The following NDRG3 variants were observed in gnomAD, a reference collection of about 807,000 sequenced individuals.
NDRG3 encodes the protein NDRG family member 3.
Under a neutral mutation model 57.2 loss-of-function variants are expected in NDRG3, and 23 were observed. The observed-to-expected ratio is 0.40, with a 90% CI of 0.29 to 0.57. The LOEUF (loss-of-function observed/expected upper bound fraction) is 0.57. NDRG3 is among the 20% of genes least tolerant of loss of function. The pLI, the probability that NDRG3 is intolerant of heterozygous loss-of-function variation, is 0.42. For synonymous variants in NDRG3, 132 were observed against 162.6 expected (o/e 0.81, Z 1.43); for missense variants, 384 against 457.3 (o/e 0.84, Z 1.46).
intron 3 of NDRG3, among the ~76,000 whole-genome samples, chr20:36,690,790 T>C (rs1227833665): frequency 8.5e-6 from 1 of 117,104 alleles, no homozygotes; most frequent in Non-Finnish European, 1.7e-5. Flanking sequence ...AGGAACCGAA[T>C]AGAGCAGACA....
intron 1 of NDRG3, among the ~76,000 whole-genome samples, chr20:36,740,817 CATGA>C (rs1163329156): frequency 6.6e-6 from 1 of 152,160 alleles, no homozygotes; most frequent in African/African-American, 2.4e-5. Context: ...GTTAATTTCA[CATGA>C]ATGAGAGAAC....
intron 5 of NDRG3, among the ~76,000 whole-genome samples, chr20:36,685,469 C>A (rs1164723238): frequency 6.6e-6 from 1 of 151,970 alleles, no homozygotes; most frequent in Non-Finnish European, 1.5e-5. Context: ...TGCCACCATG[C>A]CTGGCTAATT....
At chr20:36,673,407 CTTTTTTTT>C (rs543016967) in intron 8 of NDRG3, among the ~76,000 whole-genome samples, 25 of 151,038 alleles carry the variant, frequency 1.7e-4, no homozygotes, top group Admixed American at 1.6e-3. Flanking sequence ...TGTTTGTTTT[CTTTTTTTT>C]TGAGACAGGG....
chr20:36,744,523 T>A (rs990726638), intron 1 of NDRG3, among the ~76,000 whole-genome samples: 1 of 152,078 alleles, frequency 6.6e-6, no homozygotes, highest in African/African-American at 2.4e-5. Context: ...GACCCTGTTT[T>A]GTGAACGTGT....
intron 1 of NDRG3, among the ~76,000 whole-genome samples, chr20:36,731,947 C>A (rs539893756): frequency 3.0e-4 from 46 of 151,964 alleles, no homozygotes; most frequent in African/African-American, 1.1e-3. Context: ...ACAGTGAGAC[C>A]CCATCTCTAC....
rs1224023218 is a variant in NDRG3 at position 36,701,777 on chromosome 20, A to G, written c.93+5195T>C. Among the ~76,000 whole-genome samples the G allele has an allele frequency of 2.0e-5, 3 of 149,650 alleles. No homozygotes were observed. In the East Asian group the frequency reaches 5.9e-4, roughly 30 times the overall value. ...TGGCCAGGCTGGTTTCGAACTCCTG[A>G]CCTCAGGTGATCCACCTGCCTCGGC... On this transcript the variant is annotated intron_variant, in intron 3 of 15. Transcript: ENST00000349004.
intron 1 of NDRG3, among the ~76,000 whole-genome samples, chr20:36,743,154 C>T (rs1341405105): frequency 6.6e-6 from 1 of 152,196 alleles, no homozygotes; most frequent in Admixed American, 6.5e-5. Context: ...ATACCAACTC[C>T]ACTGTAAACA....
At chr20:36,707,498 A>C (rs1228592138) in intron 2 of NDRG3, among the ~76,000 whole-genome samples, 2 of 152,312 alleles carry the variant, frequency 1.3e-5, no homozygotes, top group East Asian at 3.9e-4. Context: ...AAAGCCTTGA[A>C]ATCTAACAGA....
chr20:36,658,745 C>T (rs1049091601), intron 13 of NDRG3, among the ~76,000 whole-genome samples: 7 of 152,050 alleles, frequency 4.6e-5, no homozygotes, highest in African/African-American at 1.7e-4. Flanking sequence ...GAAACTCTTG[C>T]CTCGGTTATA....
chr20:36,724,948 A>C (rs1984831566), intron 1 of NDRG3, among the ~76,000 whole-genome samples: 1 of 151,880 alleles, frequency 6.6e-6, no homozygotes. Context: ...AAAACAAAAC[A>C]AAACAAAACC....
At chr20:36,743,082 A>T (rs1985995043) in intron 1 of NDRG3, among the ~76,000 whole-genome samples, 1 of 152,258 alleles carries the variant, frequency 6.6e-6, no homozygotes, top group Non-Finnish European at 1.5e-5. Context: ...AAAGGGGTAT[A>T]AGCCTCAGAC....
chr20:36,737,417 T>C (rs1347868930), intron 1 of NDRG3, among the ~76,000 whole-genome samples: 3 of 151,914 alleles, frequency 2.0e-5, no homozygotes, highest in African/African-American at 7.3e-5. Flanking sequence ...GCAGCCTGAG[T>C]GAGGTAAAGG....
chr20:36,734,603 A>G (rs1278372653), intron 1 of NDRG3, among the ~76,000 whole-genome samples: 3 of 152,184 alleles, frequency 2.0e-5, no homozygotes, highest in Admixed American at 6.6e-5. Flanking sequence ...GGCAGTATAC[A>G]TAGAAGCTTA....
chr20:36,726,496 A>G (rs193302764), intron 1 of NDRG3, among the ~76,000 whole-genome samples: 1 of 152,128 alleles, frequency 6.6e-6, no homozygotes, highest in South Asian at 2.1e-4. Flanking sequence ...CTTGCCAATG[A>G]GCAGTTTTAT....
chr20:36,703,799 G>A (rs545512201), intron 3 of NDRG3, among the ~76,000 whole-genome samples: 20 of 152,010 alleles, frequency 1.3e-4, no homozygotes, highest in East Asian at 1.2e-3. Flanking sequence ...TCACAAGGCC[G>A]GAACATGTTA....
At chr20:36,733,591 G>A (rs1985455226) in intron 1 of NDRG3, among the ~76,000 whole-genome samples, 1 of 152,044 alleles carries the variant, frequency 6.6e-6, no homozygotes, top group South Asian at 2.1e-4. Flanking sequence ...GGGAGAGGTT[G>A]CAGGTGCCTG....
chr20:36,656,452 C>T (rs780803006), intron 14 of NDRG3, 41 bp from the exon 15 acceptor site: 2 of 1,614,088 alleles, frequency 1.2e-6, no homozygotes. Flanking sequence ...TTTGCATAGA[C>T]AGAGAAGCAG....
rs1032674522 is a variant in NDRG3, at chr20:36,674,822, G to A, written c.532-3425C>T. ...TGGTCTTAAACTCCTGGCCTCAAGC[G>A]ATCCTCCTGTCTTGGCCTCCCAAAG... On this transcript the variant is annotated intron_variant, in intron 8 of 15. Coordinates refer to ENST00000349004, the MANE Select transcript of NDRG3 (RefSeq NM_032013.4). Among the ~76,000 whole-genome samples the A allele has an allele frequency of 4.1e-5, 6 of 147,528 alleles. No homozygotes were observed. In the East Asian group the frequency reaches 6.0e-4, roughly 15 times the overall value.
intron 13 of NDRG3, among the ~76,000 whole-genome samples, chr20:36,658,407 C>T (rs1455270933): frequency 6.6e-6 from 1 of 152,206 alleles, no homozygotes; most frequent in African/African-American, 2.4e-5. Context: ...AGCCACCATG[C>T]CCAGCCCCTC....
Sources: gnomAD v4.1 joint callset for allele counts (sites outside exome capture counted in the v4.1 genomes callset) on GRCh38, gnomAD v4.1.1 for gene constraint, MANE v1.5 for transcripts, NCBI Gene and HGNC (gene_info 2026-07-23, HGNC 2026-07-21) for gene names.